Variants in HPCAL1 observed in about 807,000 individuals in gnomAD.
HPCAL1 encodes the protein hippocalcin like 1.
Under a neutral mutation model 17.1 loss-of-function variants are expected in HPCAL1, and 8 were observed. The ratio of observed to expected loss-of-function variants is 0.47; its 90% CI spans 0.27 to 0.84. The LOEUF is 0.84. Ranked by LOEUF, HPCAL1 falls within the 40% of genes least tolerant of loss-of-function variation. HPCAL1 has a pLI of 0.13. For missense variants in HPCAL1, 165 were observed against 271.1 expected, an observed-to-expected ratio of 0.61 and a Z score of 2.75; for synonymous variants, 112 against 111.4, an observed-to-expected ratio of 1.01 and a Z score of -0.03.
At chr2:10,350,524 C>T (rs901883914) in intron 1 of HPCAL1, among the ~76,000 whole-genome samples, 1 of 152,020 alleles carries the variant, frequency 6.6e-6, no homozygotes, top group Non-Finnish European at 1.5e-5. Context: ...ATTGCCTTGG[C>T]TGGTCTCGAA....
intron 2 of HPCAL1, among the ~76,000 whole-genome samples, chr2:10,397,397 C>G (rs554895391): frequency 2.8e-4 from 42 of 152,212 alleles, no homozygotes; most frequent in Non-Finnish European, 5.1e-4. Context: ...CCCTCTGGAC[C>G]CCCACCCACG....
chr2:10,398,171 CGGGGGGACACCT>C (rs1168026098), intron 2 of HPCAL1, among the ~76,000 whole-genome samples: 1 of 152,178 alleles, frequency 6.6e-6, no homozygotes, highest in Non-Finnish European at 1.5e-5. Flanking sequence ...CATAGGCTCC[CGGGGGGACACCT>C]GGGGGAGGGA....
At chr2:10,314,097 A>G (rs1190458716) in intron 1 of HPCAL1, among the ~76,000 whole-genome samples, 3 of 151,440 alleles carry the variant, frequency 2.0e-5, no homozygotes. Context: ...CTGAGCCACT[A>G]CACTCCAGCC....
chr2:10,344,847 GTC>G lies in HPCAL1; in HGVS notation c.-111+41678_-111+41679del, dbSNP rs1665313504. Among the ~76,000 whole-genome samples the G allele has an allele frequency of 6.7e-6, 1 of 149,206 alleles. No homozygotes were observed. Among genetic ancestry groups the G allele is most frequent in the Non-Finnish European group, 1.5e-5 (1 of 67,422 alleles). On this transcript the variant is annotated intron_variant, in intron 1 of 4. Coordinates refer to ENST00000307845, the MANE Select transcript of HPCAL1 (RefSeq NM_002149.4). The surrounding 1 kb of genome is among the most constrained non-coding windows in gnomAD (Gnocchi z 4.9). ...TCTCTGTCTCTCTCTTTCTGTGTGT[GTC>G]TCTCTCTGTGCCTTTCAGTCTCTTT...
chr2:10,411,560 G>A (rs1268040787), intron 2 of HPCAL1, among the ~76,000 whole-genome samples: 3 of 152,168 alleles, frequency 2.0e-5, no homozygotes, highest in African/African-American at 7.2e-5. Flanking sequence ...GGGAATGAGC[G>A]ACTCCCCTGG....
intron 1 of HPCAL1, among the ~76,000 whole-genome samples, chr2:10,338,224 G>T (rs1664836699): frequency 6.6e-6 from 1 of 152,180 alleles, no homozygotes; most frequent in Admixed American, 6.5e-5. Context: ...GTTTCTTCTG[G>T]GGGTAATGAA....
At chr2:10,399,415 C>T (rs1383840030) in intron 2 of HPCAL1, among the ~76,000 whole-genome samples, 57 of 65,632 alleles carry the variant, frequency 8.7e-4, no homozygotes, top group South Asian at 2.2e-3. Context: ...ACCACCACCA[C>T]CACCACCATC....
In HPCAL1 at chr2:10,361,061, C is replaced by G. The variant is rs369363902; in HGVS notation, c.-110-35774C>G. Among the ~76,000 whole-genome samples the G allele has an allele frequency of 2.7e-5, 4 of 145,536 alleles. No individual in the cohort carries two copies. In the East Asian group the frequency reaches 8.1e-4, roughly 29 times the overall value. ...TCGGACATGGTCCTGAGCCTGTTGG[C>G]CTGGGGACTCCTTTTCTGTCATACT... On this transcript the variant is annotated intron_variant, in intron 1 of 4. Transcript: ENST00000307845.
intron 1 of HPCAL1, among the ~76,000 whole-genome samples, chr2:10,308,172 G>A (rs957727551): frequency 6.6e-5 from 10 of 152,180 alleles, no homozygotes; most frequent in Admixed American, 3.3e-4. Flanking sequence ...CAGGGGAGGG[G>A]TTGGAGTTGG....
chr2:10,342,001 T>G lies in HPCAL1; in HGVS notation c.-111+38824T>G, dbSNP rs1300751254. Reference sequence around the variant, plus strand: ...TGAGACTCTGTCTCTAGATAAAGTTTTTTTTTTTTTTTTAAATTAGCCAGA... The same window carrying G: ...TGAGACTCTGTCTCTAGATAAAGTTGTTTTTTTTTTTTTAAATTAGCCAGA... On this transcript the variant is annotated intron_variant, in intron 1 of 4. Transcript: ENST00000307845. This position sits in a 1 kb window ranked among gnomAD's most constrained non-coding sequence, Gnocchi z 4.1. Among the ~76,000 whole-genome samples the G allele has an allele frequency of 6.6e-6, 1 of 151,214 alleles. No individual in the cohort carries two copies. The highest frequency in any genetic ancestry group is 1.9e-4 in the East Asian group (1 of 5,146).
rs1330801612 is a variant in HPCAL1, at chr2:10,399,271, C to CCACCACCAT, written c.-25+2360_-25+2368dup. Among the ~76,000 whole-genome samples the CCACCACCAT allele has an allele frequency of 1.1e-4, 10 of 87,886 alleles. 2 individuals carry two copies. The highest frequency in any genetic ancestry group is 1.0e-3 in the East Asian group (3 of 2,952). The allele number at this position is 87,886 out of a possible 152,430, so 57.7% of individuals were successfully genotyped here. On this transcript the variant is annotated intron_variant, in intron 2 of 4. Transcript: ENST00000307845. The stretch of plus-strand genomic sequence containing the variant: ...ACCACCACCACCACCATCACCACCA[C>CCACCACCAT]CACCACCATCACCACCACCACCACC...
chr2:10,315,154 G>C (rs528753417), intron 1 of HPCAL1, among the ~76,000 whole-genome samples: 44 of 152,200 alleles, frequency 2.9e-4, no homozygotes, highest in African/African-American at 9.6e-4. Flanking sequence ...TTAGCCGGGC[G>C]TGGTGGCGGG....
In HPCAL1 at chr2:10,343,895, A is replaced by G. The variant is rs765869176; in HGVS notation, c.-111+40718A>G. On this transcript the variant is annotated intron_variant, in intron 1 of 4. Coordinates refer to ENST00000307845, the MANE Select transcript of HPCAL1 (RefSeq NM_002149.4). The surrounding 1 kb of genome is among the most constrained non-coding windows in gnomAD (Gnocchi z 4.8). ...CCCATGGCTGTGCGCTTCCCAAGCA[A>G]GCAGTTCTGGAGTGAGGCTTGGGCC... 2.6e-5 allele frequency among the ~76,000 whole-genome samples: 4 copies of G among 152,198 alleles called. No individual in the cohort carries two copies. The highest frequency in any genetic ancestry group is 4.4e-5 in the Non-Finnish European group (3 of 68,030).
At chr2:10,305,845 G>T (rs1049452748) in intron 1 of HPCAL1, among the ~76,000 whole-genome samples, 1 of 152,164 alleles carries the variant, frequency 6.6e-6, no homozygotes, top group Non-Finnish European at 1.5e-5. Flanking sequence ...TGGTGCAAAC[G>T]CCCCAGCCAG....
At chr2:10,324,442 A>G (rs1663860896) in intron 1 of HPCAL1, 1 of 152,258 alleles carries the variant, frequency 6.6e-6, no homozygotes. Flanking sequence ...TTTTGTGACC[A>G]TGGGAGACAG....
At chr2:10,398,889 A>G (rs892832744) in intron 2 of HPCAL1, among the ~76,000 whole-genome samples, 2 of 152,022 alleles carry the variant, frequency 1.3e-5, no homozygotes, top group African/African-American at 4.8e-5. Flanking sequence ...GAAAATAGAC[A>G]CAACTGCATG....
rs1666931889 is a variant in HPCAL1 at position 10,367,679 on chromosome 2, A to G, written c.-110-29156A>G. ...AAAGTGCCAGAAAAGCCCTTGTCCCATATCACAGTCCCATGACCCACACTC... is the reference window on the plus strand; with the variant it reads ...AAAGTGCCAGAAAAGCCCTTGTCCCGTATCACAGTCCCATGACCCACACTC... On this transcript the variant is annotated intron_variant, in intron 1 of 4. Coordinates refer to ENST00000307845, the MANE Select transcript of HPCAL1 (RefSeq NM_002149.4). This position sits in a 1 kb window ranked among gnomAD's most constrained non-coding sequence, Gnocchi z 4.4. Among the ~76,000 whole-genome samples, 1 of 152,214 alleles carries G rather than the reference A, an allele frequency of 6.6e-6. No individual in the cohort carries two copies. The highest frequency in any genetic ancestry group is 1.5e-5 in the Non-Finnish European group (1 of 68,042).
At chr2:10,312,144 C>T (rs1181188548) in intron 1 of HPCAL1, among the ~76,000 whole-genome samples, 2 of 151,542 alleles carry the variant, frequency 1.3e-5, no homozygotes, top group African/African-American at 2.4e-5. Flanking sequence ...CATTCTCCAT[C>T]ACCATCATCA....
intron 1 of HPCAL1, among the ~76,000 whole-genome samples, chr2:10,305,044 C>T (rs1421193564): frequency 6.6e-6 from 1 of 152,154 alleles, no homozygotes; most frequent in Non-Finnish European, 1.5e-5. Context: ...CCCTGCAATC[C>T]TAGCCATGGC....
Sources: allele counts gnomAD v4.1 joint callset (sites outside exome capture counted in the v4.1 genomes callset), GRCh38; gene constraint gnomAD v4.1.1; non-coding constraint Gnocchi (gnomAD v3.1); transcripts MANE v1.5; gene names NCBI Gene and HGNC (gene_info 2026-07-23, HGNC 2026-07-21).